Variants in ESRP1 observed in about 807,000 individuals in gnomAD.
ESRP1 encodes epithelial splicing regulatory protein 1.
Under a neutral mutation model 81.7 loss-of-function variants are expected in ESRP1, and 33 were observed. The observed-to-expected ratio is 0.40, with a 90% CI of 0.31 to 0.54. The LOEUF is 0.54. Among genes scored for constraint, ESRP1 ranks in the 20% least tolerant of loss-of-function variants. The pLI, the probability that ESRP1 is intolerant of heterozygous loss-of-function variation, is 0.41. For missense variants in ESRP1, 672 were observed against 833.1 expected (o/e 0.81, Z 2.38); for synonymous variants, 320 against 303.3 (o/e 1.06, Z -0.57).
intron 4 of ESRP1, among the ~76,000 whole-genome samples, chr8:94,650,678 C>T (rs76572212): frequency 0.029 from 4,444 of 152,202 alleles, 204 homozygotes; most frequent in African/African-American, 0.099. Context: ...ATAAACATCA[C>T]GTGCAGGTTT....
intron 14 of ESRP1, 49 bp from the exon 15 acceptor site, chr8:94,696,803 T>TG (rs766317719): frequency 7.3e-7 from 1 of 1,370,488 alleles, no homozygotes; most frequent in South Asian, 1.3e-5. Flanking sequence ...TTATCCATAG[T>TG]GACAGTTTGT....
intron 4 of ESRP1, among the ~76,000 whole-genome samples, chr8:94,653,022 C>A (rs929048638): frequency 2.0e-5 from 3 of 152,226 alleles, no homozygotes; most frequent in South Asian, 2.1e-4. Flanking sequence ...ACATATCAAA[C>A]CATTAAAGCA....
In ESRP1 at chr8:94,674,812, T is replaced by C. The variant is rs573523545; in HGVS notation, c.1651+306T>C. On this transcript the variant is annotated intron_variant, in intron 12 of 15. Coordinates refer to ENST00000433389, the MANE Select transcript of ESRP1 (RefSeq NM_017697.4). Reference sequence around the variant, plus strand: ...GACTCTGGGAGGCAACCTGGCTATATAGATAATTTTAGTACGCATTTAAAG... The same window carrying C: ...GACTCTGGGAGGCAACCTGGCTATACAGATAATTTTAGTACGCATTTAAAG... Among the ~76,000 whole-genome samples the C allele has an allele frequency of 5.9e-5, 9 of 152,354 alleles. 1 individual carries two copies. The South Asian group carries it at 1.2e-3, about 21-fold the overall frequency.
At chr8:94,665,130 A>C (rs758588745) in intron 8 of ESRP1, 24 bp from the exon 9 acceptor site, 17 of 1,613,674 alleles carry the variant, frequency 1.1e-5, no homozygotes, top group Non-Finnish European at 1.4e-5. Flanking sequence ...GCTCAGAAAC[A>C]CTAACTTCTC....
rs185692269 is a variant in ESRP1 at position 94,681,099 on chromosome 8, A to G, written c.1820+2728A>G. 2.3e-3 allele frequency among the ~76,000 whole-genome samples: 345 copies of G among 150,628 alleles called. 1 individual carries two copies. In the Middle Eastern group the frequency reaches 0.045, roughly 20 times the overall value. The stretch of plus-strand genomic sequence containing the variant: ...CCAGCACTTTGGGAGGCCAAGGTGG[A>G]CGGATCACGAGGTCAGGAGATAGAG... On this transcript the variant is annotated intron_variant, in intron 13 of 15. Coordinates refer to ENST00000433389, the MANE Select transcript of ESRP1 (RefSeq NM_017697.4).
chr8:94,654,161 A>C (rs1336508870), intron 4 of ESRP1, among the ~76,000 whole-genome samples: 1 of 78,724 alleles, frequency 1.3e-5, no homozygotes, highest in Non-Finnish European at 2.6e-5. Context: ...TCTACTAAAA[A>C]TACAAAATTA....
At chr8:94,696,779 A>G (rs1176774737) in intron 14 of ESRP1, 73 bp from the exon 15 acceptor site, 37 of 1,194,158 alleles carry the variant, frequency 3.1e-5, no homozygotes, top group African/African-American at 6.1e-5. Flanking sequence ...TGGTAGATCT[A>G]TTTAGCTGAA....
At chr8:94,701,180 C>T (rs945143764) in intron 15 of ESRP1, among the ~76,000 whole-genome samples, 7 of 150,308 alleles carry the variant, frequency 4.7e-5, no homozygotes, top group Non-Finnish European at 1.5e-5. Flanking sequence ...AAGGCTGAGG[C>T]AGGGGAATTG....
chr8:94,699,849 C>T (rs1477114421), intron 15 of ESRP1, among the ~76,000 whole-genome samples: 2 of 151,968 alleles, frequency 1.3e-5, no homozygotes, highest in African/African-American at 4.8e-5. Flanking sequence ...TCCTCTCATA[C>T]CCTCATGCAA....
intron 3 of ESRP1, among the ~76,000 whole-genome samples, chr8:94,644,808 C>T (rs1374222442): frequency 1.3e-5 from 2 of 152,044 alleles, no homozygotes; most frequent in East Asian, 1.9e-4. Context: ...TCTGTATATT[C>T]GTTAAAGAAA....
chr8:94,698,769 T>C (rs1809701936), intron 15 of ESRP1, among the ~76,000 whole-genome samples: 1 of 152,228 alleles, frequency 6.6e-6, no homozygotes. Flanking sequence ...ATGTGGATTC[T>C]AAACTGGAAA....
At chr8:94,654,930 AAAG>A (rs1345550705) in intron 4 of ESRP1, among the ~76,000 whole-genome samples, 1 of 151,778 alleles carries the variant, frequency 6.6e-6, no homozygotes, top group Non-Finnish European at 1.5e-5. Context: ...AAAAAAAAAA[AAAG>A]AAAAAAAAAG....
intron 12 of ESRP1, among the ~76,000 whole-genome samples, chr8:94,674,934 T>G (rs1359746250): frequency 6.6e-6 from 1 of 152,048 alleles, no homozygotes; most frequent in Non-Finnish European, 1.5e-5. Context: ...CATTTAACTT[T>G]TTGAGCATCA....
At chr8:94,642,955 C>T (rs893217211) in intron 2 of ESRP1, among the ~76,000 whole-genome samples, 17 of 152,152 alleles carry the variant, frequency 1.1e-4, no homozygotes, top group African/African-American at 3.9e-4. Flanking sequence ...CTGGCACATC[C>T]AAACATATAA....
chr8:94,671,782 G>GTTAA, intron 11 of ESRP1, 111 bp downstream of exon 11: 1 of 645,794 alleles, frequency 1.5e-6, no homozygotes, highest in Non-Finnish European at 2.4e-6. Context: ...TTAGATATTA[G>GTTAA]TCTTTGATAA....
At chr8:94,684,245 G>T (rs1809048075) in intron 13 of ESRP1, among the ~76,000 whole-genome samples, 1 of 152,148 alleles carries the variant, frequency 6.6e-6, no homozygotes, top group African/African-American at 2.4e-5. Flanking sequence ...ATTTATTTGT[G>T]CCAAAGTGTT....
At chr8:94,701,407 C>T (rs1204802468) in intron 15 of ESRP1, among the ~76,000 whole-genome samples, 1 of 152,090 alleles carries the variant, frequency 6.6e-6, no homozygotes, top group Non-Finnish European at 1.5e-5. Context: ...GTCCCATCAA[C>T]CCAGCCAACA....
chr8:94,686,925 C>A (rs900309954), intron 13 of ESRP1, among the ~76,000 whole-genome samples: 2 of 152,028 alleles, frequency 1.3e-5, no homozygotes, highest in Non-Finnish European at 2.9e-5. Flanking sequence ...TGCCATAAAG[C>A]CTGTACACAT....
chr8:94,659,976 G>A (rs2130595902), intron 4 of ESRP1, among the ~76,000 whole-genome samples: 1 of 152,302 alleles, frequency 6.6e-6, no homozygotes, highest in East Asian at 1.9e-4. Flanking sequence ...CAGAAGAAAA[G>A]CTAGCAGAGA....
Sources: gnomAD v4.1 joint callset for allele counts (sites outside exome capture counted in the v4.1 genomes callset) on GRCh38, gnomAD v4.1.1 for gene constraint, MANE v1.5 for transcripts, NCBI Gene and HGNC (gene_info 2026-07-23, HGNC 2026-07-21) for gene names.